The following CDC14B variants were observed in gnomAD, a reference collection of about 807,000 sequenced individuals.
CDC14B encodes cell division cycle 14B.
In CDC14B, 22 loss-of-function variants were observed where a neutral mutation model predicts 64.2. The observed-to-expected ratio is 0.34, with a 90% CI of 0.24 to 0.49. CDC14B has a LOEUF of 0.49. CDC14B is among the 20% of genes least tolerant of loss of function. CDC14B has a pLI of 0.99. For missense variants in CDC14B, 498 were observed against 629.9 expected (o/e 0.79, Z 2.24); for synonymous variants, 191 against 215.8 (o/e 0.89, Z 1.01).
chr9:96,492,320 A>T (rs1354421604), exon 14 of CDC14B: 3 of 152,340 alleles, frequency 2.0e-5, no homozygotes, highest in Non-Finnish European at 2.9e-5. Flanking sequence ...GGGGTGTCTG[A>T]GTTGTGCCAC....
chr9:96,521,586 T>C (rs1836725343), intron 12 of CDC14B, among the ~76,000 whole-genome samples: 1 of 152,210 alleles, frequency 6.6e-6, no homozygotes, highest in African/African-American at 2.4e-5. Flanking sequence ...TAGGTGTAAT[T>C]CTACTTCAGA....
intron 1 of CDC14B, among the ~76,000 whole-genome samples, chr9:96,574,603 A>G (rs1023206459): frequency 2.0e-5 from 3 of 150,522 alleles, no homozygotes; most frequent in Non-Finnish European, 4.4e-5. Flanking sequence ...ACTTGATTAC[A>G]TAAAGATTTA....
intron 1 of CDC14B, among the ~76,000 whole-genome samples, chr9:96,602,727 A>T (rs1160854507): frequency 1.3e-5 from 2 of 152,194 alleles, no homozygotes; most frequent in African/African-American, 4.8e-5. Flanking sequence ...TTGGGTGGGG[A>T]CACAGCCAAA....
intron 1 of CDC14B, among the ~76,000 whole-genome samples, chr9:96,604,853 A>G (rs530303254): frequency 4.7e-4 from 71 of 152,176 alleles, no homozygotes; most frequent in African/African-American, 1.7e-3. Flanking sequence ...GTATTTTAGT[A>G]GAGAGGGGGT....
intron 4 of CDC14B, among the ~76,000 whole-genome samples, chr9:96,556,736 TTTTTA>T (rs1842554051): frequency 6.6e-6 from 1 of 152,098 alleles, no homozygotes; most frequent in African/African-American, 2.4e-5. Context: ...GTAGGGACAT[TTTTTA>T]AAGACCAAGA....
chr9:96,551,900 A>C, intron 4 of CDC14B, 28 bp from the exon 5 acceptor site: 2 of 1,588,586 alleles, frequency 1.3e-6, no homozygotes, highest in Non-Finnish European at 1.7e-6. Flanking sequence ...AGAAAAAGGC[A>C]ATTTATTTCT....
chr9:96,552,814 G>A (rs563942309), intron 4 of CDC14B, among the ~76,000 whole-genome samples: 3 of 152,190 alleles, frequency 2.0e-5, no homozygotes, highest in African/African-American at 7.2e-5. Context: ...TTGGGGAGGC[G>A]GGAGCGGTGG....
intron 9 of CDC14B, among the ~76,000 whole-genome samples, chr9:96,530,980 G>GT (rs1199896357): frequency 6.6e-6 from 1 of 152,160 alleles, no homozygotes; most frequent in Non-Finnish European, 1.5e-5. Context: ...AACCACTCTT[G>GT]TAATCATGGG....
At chr9:96,582,748 T>C (rs956122157) in intron 1 of CDC14B, among the ~76,000 whole-genome samples, 13 of 152,018 alleles carry the variant, frequency 8.6e-5, no homozygotes, top group African/African-American at 3.1e-4. Flanking sequence ...AAAATCAGAG[T>C]TCAAGACCTT....
At chr9:96,529,490 C>CTTT (rs56239842) in intron 9 of CDC14B, among the ~76,000 whole-genome samples, 13 of 131,108 alleles carry the variant, frequency 9.9e-5, no homozygotes, top group African/African-American at 1.4e-4. Flanking sequence ...TGTACTAAGC[C>CTTT]TTTTTTTTTT....
At chr9:96,517,663 AAG>A (rs1491150351) in intron 12 of CDC14B, among the ~76,000 whole-genome samples, 1 of 143,382 alleles carries the variant, frequency 7.0e-6, no homozygotes, top group Non-Finnish European at 1.5e-5. Context: ...AAAAAAAAAA[AAG>A]AAGAAGAAAG....
intron 1 of CDC14B, among the ~76,000 whole-genome samples, chr9:96,590,715 A>G (rs1845739656): frequency 1.3e-5 from 2 of 149,574 alleles, no homozygotes; most frequent in African/African-American, 2.5e-5. Context: ...GCATTTCTCT[A>G]AAGATTAGTG....
intron 1 of CDC14B, among the ~76,000 whole-genome samples, chr9:96,612,583 T>C (rs57782304): frequency 0.046 from 7,025 of 152,342 alleles, 563 homozygotes; most frequent in African/African-American, 0.16. Flanking sequence ...TCATGCCTAG[T>C]GGCTAGCTTA....
chr9:96,546,996 A>G lies in CDC14B; in HGVS notation c.497+4800T>C, dbSNP rs895812876. ...AGAATGGCGTGAACCCAGGAGGCGG[A>G]GCTTGCCGTGAGCCAAGATCGTGCC... On this transcript the variant is annotated intron_variant, in intron 5 of 13. Coordinates refer to ENST00000375241, the MANE Select transcript of CDC14B (RefSeq NM_033331.4). Among the ~76,000 whole-genome samples the G allele has an allele frequency of 2.8e-4, 43 of 151,878 alleles. 1 individual carries two copies. Among genetic ancestry groups the G allele is most frequent in the African/African-American group, 4.8e-5 (2 of 41,384 alleles).
At chr9:96,510,272 T>C (rs555170069) in intron 12 of CDC14B, among the ~76,000 whole-genome samples, 1 of 152,344 alleles carries the variant, frequency 6.6e-6, no homozygotes, top group South Asian at 2.1e-4. Context: ...ATATAACGTT[T>C]CAAAATTTTA....
rs979058620 is a variant in CDC14B at position 96,606,527 on chromosome 9, T to G, written c.160+12692A>C. On this transcript the variant is annotated intron_variant, in intron 1 of 13. Coordinates refer to ENST00000375241, the MANE Select transcript of CDC14B (RefSeq NM_033331.4). ...ATGAGATCTCATCTCTACTAAAAGTTTGTGTGTGTGTGTGTGTGTGTGTGT... is the reference window on the plus strand; with the variant it reads ...ATGAGATCTCATCTCTACTAAAAGTGTGTGTGTGTGTGTGTGTGTGTGTGT... Among the ~76,000 whole-genome samples, 17 of 112,846 alleles carry G rather than the reference T, an allele frequency of 1.5e-4. No individual in the cohort carries two copies. The South Asian group carries it at 1.7e-3, about 12-fold the overall frequency. 74.0% of individuals were successfully genotyped at this position (112,846 alleles called of 152,430 possible).
chr9:96,576,072 T>C (rs1169793901), intron 1 of CDC14B, among the ~76,000 whole-genome samples: 3 of 151,790 alleles, frequency 2.0e-5, no homozygotes, highest in Non-Finnish European at 2.9e-5. Flanking sequence ...GGTCAAGAGT[T>C]TGAGACCAGC....
At chr9:96,603,303 C>G (rs1207227935) in intron 1 of CDC14B, among the ~76,000 whole-genome samples, 2 of 151,778 alleles carry the variant, frequency 1.3e-5, no homozygotes, top group Admixed American at 6.6e-5. Flanking sequence ...CTTTTGTTAT[C>G]TTTTGAATTT....
chr9:96,548,814 AAGAG>A (rs941099280), intron 5 of CDC14B, among the ~76,000 whole-genome samples: 12 of 151,928 alleles, frequency 7.9e-5, no homozygotes, highest in Admixed American at 2.6e-4. Context: ...AAAAAAAAAA[AAGAG>A]AGAGAGAGAA....
Sources: allele counts gnomAD v4.1 joint callset (sites outside exome capture counted in the v4.1 genomes callset), GRCh38; gene constraint gnomAD v4.1.1; transcripts MANE v1.5; gene names NCBI Gene and HGNC (gene_info 2026-07-23, HGNC 2026-07-21).